Variants in DSCAM observed in about 807,000 individuals in gnomAD.
DSCAM encodes cell adhesion molecule DSCAM.
Under a neutral mutation model 217.7 loss-of-function variants are expected in DSCAM, and 47 were observed. The ratio of observed to expected loss-of-function variants is 0.22; its 90% CI spans 0.17 to 0.28. The LOEUF is 0.28. Among genes scored for constraint, DSCAM ranks in the 10% least tolerant of loss-of-function variants. The pLI is 1.00. For synonymous variants in DSCAM, 1,056 were observed against 1,015.3 expected (o/e 1.04, Z -0.76); for missense variants, 2,080 against 2,618.3 (o/e 0.79, Z 4.49).
intron 3 of DSCAM, among the ~76,000 whole-genome samples, chr21:40,567,918 A>G (rs574194154): frequency 1.3e-5 from 2 of 151,142 alleles, no homozygotes; most frequent in Admixed American, 1.3e-4. Context: ...CAAAACTACC[A>G]CTCTTGATCT....
intron 11 of DSCAM, among the ~76,000 whole-genome samples, chr21:40,262,222 T>A (rs2073462902): frequency 6.6e-6 from 1 of 152,192 alleles, no homozygotes; most frequent in Admixed American, 6.5e-5. Flanking sequence ...AAGTTTCTGT[T>A]GTTTAAGCCC....
intron 1 of DSCAM, among the ~76,000 whole-genome samples, chr21:40,798,689 G>C (rs901577098): frequency 4.6e-5 from 7 of 151,944 alleles, no homozygotes; most frequent in Non-Finnish European, 8.8e-5. Context: ...TCATGAAGCA[G>C]TAAAAAAAGA....
intron 3 of DSCAM, among the ~76,000 whole-genome samples, chr21:40,538,601 T>C (rs73364954): frequency 0.078 from 11,873 of 152,262 alleles, 891 homozygotes; most frequent in African/African-American, 0.19. Flanking sequence ...GTGTTTGCCA[T>C]ACAATGAATT....
chr21:40,457,138 T>A (rs972195789), intron 3 of DSCAM, among the ~76,000 whole-genome samples: 2 of 152,136 alleles, frequency 1.3e-5, no homozygotes, highest in Non-Finnish European at 2.9e-5. Flanking sequence ...ATAACCAAGT[T>A]AATTTGGGGA....
intron 1 of DSCAM, among the ~76,000 whole-genome samples, chr21:40,811,116 T>C (rs2091834443): frequency 6.6e-6 from 1 of 152,172 alleles, no homozygotes; most frequent in African/African-American, 2.4e-5. Flanking sequence ...AGTGTGTCCC[T>C]AGTCAGGGTT....
intron 2 of DSCAM, among the ~76,000 whole-genome samples, chr21:40,697,862 A>C (rs936447709): frequency 1.3e-5 from 2 of 151,582 alleles, no homozygotes; most frequent in African/African-American, 4.8e-5. Flanking sequence ...TTTTTTTTCT[A>C]TTTCTGTGAA....
chr21:40,122,991 C>A (rs1168460888), intron 20 of DSCAM, among the ~76,000 whole-genome samples: 1 of 152,184 alleles, frequency 6.6e-6, no homozygotes, highest in East Asian at 1.9e-4. Context: ...CCATCGCATG[C>A]TACAACATGG....
Position 40,358,208 on chromosome 21 carries a change from T to C in DSCAM, c.656-4465A>G, listed in dbSNP as rs941850782. Among the ~76,000 whole-genome samples, 7 of 152,338 alleles carry C rather than the reference T, an allele frequency of 4.6e-5. No homozygotes were observed. In the South Asian group the frequency reaches 1.2e-3, roughly 27 times the overall value. On this transcript the variant is annotated intron_variant, in intron 4 of 32. Transcript: ENST00000400454. The stretch of plus-strand genomic sequence containing the variant: ...CAATGACTGCACTTAAAAAGTTTTA[T>C]TCTAACTGAAACTTGGCAGAAATTT...
At chr21:40,260,086 C>T (rs1381881819) in intron 11 of DSCAM, among the ~76,000 whole-genome samples, 2 of 152,074 alleles carry the variant, frequency 1.3e-5, no homozygotes, top group African/African-American at 4.8e-5. Flanking sequence ...TTTTATTATA[C>T]AACATACTGA....
rs535483030 is a variant in DSCAM, at chr21:40,729,133, T to C, written c.44-20362A>G. Among the ~76,000 whole-genome samples the C allele has an allele frequency of 2.6e-3, 400 of 152,384 alleles. 2 individuals are homozygous for C. Among genetic ancestry groups the C allele is most frequent in the Non-Finnish European group, 4.0e-3 (272 of 68,036 alleles). ...GAATACACATTATGTGCTAGGATTA[T>C]GCTAAGTAATCTAAATACAAAACCT... On this transcript the variant is annotated intron_variant, in intron 1 of 32. Transcript: ENST00000400454.
At chr21:40,342,610 ATG>A (rs58080164) in intron 6 of DSCAM, among the ~76,000 whole-genome samples, 6,675 of 116,348 alleles carry the variant, frequency 0.057, 253 homozygotes, top group East Asian at 0.16. Context: ...GTATGTGTAT[ATG>A]TGTGTGTGTG....
chr21:40,480,497 T>C (rs1368121389), intron 3 of DSCAM, among the ~76,000 whole-genome samples: 2 of 152,206 alleles, frequency 1.3e-5, no homozygotes, highest in Admixed American at 1.3e-4. Flanking sequence ...TTTGCAAATA[T>C]CATACTTCAT....
intron 1 of DSCAM, among the ~76,000 whole-genome samples, chr21:40,715,521 CGTAA>C (rs1204905949): frequency 1.3e-5 from 2 of 152,046 alleles, no homozygotes; most frequent in Admixed American, 6.5e-5. Flanking sequence ...TTCATCAAGT[CGTAA>C]GTGTTTTATA....
chr21:40,370,302 C>T (rs1012847), intron 3 of DSCAM, among the ~76,000 whole-genome samples: 102,314 of 151,464 alleles, frequency 0.68, 35,312 homozygotes, highest in African/African-American at 0.81. Context: ...TGCACCTTCC[C>T]GGTGGGTAAC....
intron 8 of DSCAM, among the ~76,000 whole-genome samples, chr21:40,334,489 G>A (rs755471373): frequency 2.0e-5 from 3 of 152,156 alleles, no homozygotes; most frequent in African/African-American, 4.8e-5. Flanking sequence ...AAATAGATCC[G>A]GAGTCTGTCT....
intron 14 of DSCAM, among the ~76,000 whole-genome samples, chr21:40,180,543 G>A (rs2090787986): frequency 6.6e-6 from 1 of 152,076 alleles, no homozygotes; most frequent in Non-Finnish European, 1.5e-5. Context: ...CAATGAAACG[G>A]CACACACCTA....
chr21:40,421,419 G>T (rs1386019027), intron 3 of DSCAM, among the ~76,000 whole-genome samples: 1 of 152,208 alleles, frequency 6.6e-6, no homozygotes, highest in Non-Finnish European at 1.5e-5. Context: ...TGCTGCATGA[G>T]TTCATTCTGC....
At chr21:40,091,185 T>TA (rs1175865795) in intron 21 of DSCAM, among the ~76,000 whole-genome samples, 3 of 152,146 alleles carry the variant, frequency 2.0e-5, no homozygotes, top group African/African-American at 7.2e-5. Context: ...AAAACTGTTC[T>TA]AAAAAATAAG....
intron 16 of DSCAM, among the ~76,000 whole-genome samples, chr21:40,145,895 T>A (rs1367650255): frequency 6.6e-6 from 1 of 151,820 alleles, no homozygotes; most frequent in South Asian, 2.1e-4. Context: ...CTCTAGGGAA[T>A]AAAGGTTTTG....
Sources: gnomAD v4.1 joint callset for allele counts (sites outside exome capture counted in the v4.1 genomes callset) on GRCh38, gnomAD v4.1.1 for gene constraint, MANE v1.5 for transcripts, NCBI Gene and HGNC (gene_info 2026-07-23, HGNC 2026-07-21) for gene names.